LDB2: variants seen among roughly 807,000 people sequenced by gnomAD.
The protein encoded by LDB2 is LIM domain-binding protein 2.
A neutral mutation model predicts 44.3 loss-of-function variants in LDB2; 12 were observed. The observed-to-expected ratio is 0.27, with a 90% CI of 0.17 to 0.44. The LOEUF is 0.44. LDB2 is among the 20% of genes least tolerant of loss of function. LDB2 has a pLI of 1.00. For synonymous variants in LDB2, 164 were observed against 174.8 expected (o/e 0.94, Z 0.49); for missense variants, 344 against 473.5 (o/e 0.73, Z 2.54).
At position 16,532,898 on chromosome 4, in the gene LDB2, C is replaced by T. The variant is rs553239337; in HGVS notation, c.616-20794G>A. Among the ~76,000 whole-genome samples, 301 of 152,268 alleles carry T rather than the reference C, an allele frequency of 2.0e-3. 1 individual carries two copies. The highest frequency in any genetic ancestry group is 7.0e-3 in the African/African-American group (291 of 41,542). ...CCTGTGGCAAATGTTCTCTGTGTGC[C>T]AGTCTGACATTCCTAGCATAGGAAC... On this transcript the variant is annotated intron_variant, in intron 5 of 7. Coordinates refer to ENST00000304523, the MANE Select transcript of LDB2 (RefSeq NM_001290.5).
At chr4:16,732,238 C>T (rs116241606) in intron 2 of LDB2, among the ~76,000 whole-genome samples, 4 of 152,138 alleles carry the variant, frequency 2.6e-5, no homozygotes, top group Admixed American at 1.3e-4. Context: ...TTGGTTGGAG[C>T]TTTCTTTTAT....
At chr4:16,557,398 G>C (rs2152366412) in intron 5 of LDB2, among the ~76,000 whole-genome samples, 1 of 152,326 alleles carries the variant, frequency 6.6e-6, no homozygotes, top group Middle Eastern at 3.4e-3. Flanking sequence ...AGGCGCACCA[G>C]GAGATTATAT....
At chr4:16,691,315 G>A (rs1418149675) in intron 2 of LDB2, among the ~76,000 whole-genome samples, 2 of 152,034 alleles carry the variant, frequency 1.3e-5, no homozygotes, top group Non-Finnish European at 2.9e-5. Flanking sequence ...CATGTTCATG[G>A]AACTGTACGA....
chr4:16,564,356 A>C (rs1477185847), intron 5 of LDB2, among the ~76,000 whole-genome samples: 1 of 152,184 alleles, frequency 6.6e-6, no homozygotes, highest in East Asian at 1.9e-4. Flanking sequence ...CCGAGATTCT[A>C]TCTCAGAAAA....
intron 1 of LDB2, among the ~76,000 whole-genome samples, chr4:16,873,148 T>C (rs973353559): frequency 6.6e-6 from 1 of 152,172 alleles, no homozygotes; most frequent in Non-Finnish European, 1.5e-5. Context: ...CCCAGGGTGC[T>C]ATATTTAGCA....
At chr4:16,644,283 A>G (rs1736030549) in intron 2 of LDB2, among the ~76,000 whole-genome samples, 1 of 152,176 alleles carries the variant, frequency 6.6e-6, no homozygotes, top group East Asian at 1.9e-4. Context: ...TGGGACTTGC[A>G]CTTCAATATT....
At chr4:16,560,339 AAGAC>A (rs1197869030) in intron 5 of LDB2, among the ~76,000 whole-genome samples, 1 of 152,218 alleles carries the variant, frequency 6.6e-6, no homozygotes, top group Non-Finnish European at 1.5e-5. Context: ...TAAAGAAAAA[AAGAC>A]AGAAGAATCA....
intron 2 of LDB2, among the ~76,000 whole-genome samples, chr4:16,609,944 C>G (rs1303578787): frequency 6.6e-6 from 1 of 152,116 alleles, no homozygotes; most frequent in African/African-American, 2.4e-5. Context: ...CTACTGGCAT[C>G]CTAATGGCAT....
At chr4:16,639,606 C>T (rs1050445002) in intron 2 of LDB2, among the ~76,000 whole-genome samples, 2 of 152,184 alleles carry the variant, frequency 1.3e-5, no homozygotes, top group African/African-American at 4.8e-5. Context: ...GGATTAAAGG[C>T]ATGTGCCACC....
chr4:16,674,664 C>T (rs549454872), intron 2 of LDB2, among the ~76,000 whole-genome samples: 74 of 152,312 alleles, frequency 4.9e-4, no homozygotes, highest in African/African-American at 1.7e-3. Flanking sequence ...CCCCAATTTA[C>T]GCATTTTCTA....
intron 1 of LDB2, among the ~76,000 whole-genome samples, chr4:16,777,435 A>G (rs1268338575): frequency 6.6e-6 from 1 of 151,946 alleles, no homozygotes; most frequent in African/African-American, 2.4e-5. Context: ...AGGGACTGAA[A>G]GGAAGATGCT....
chr4:16,515,946 C>T (rs1365952422), intron 5 of LDB2, among the ~76,000 whole-genome samples: 3 of 152,174 alleles, frequency 2.0e-5, no homozygotes, highest in Admixed American at 1.3e-4. Context: ...TCACCGCAAG[C>T]TCTGCCTCCT....
intron 1 of LDB2, among the ~76,000 whole-genome samples, chr4:16,874,478 A>T (rs1717764289): frequency 6.6e-6 from 1 of 152,230 alleles, no homozygotes; most frequent in Non-Finnish European, 1.5e-5. Flanking sequence ...TCAAAGCAGA[A>T]GCATCATAAT....
chr4:16,692,118 C>CA (rs538823739), intron 2 of LDB2, among the ~76,000 whole-genome samples: 4,539 of 143,452 alleles, frequency 0.032, 76 homozygotes, highest in African/African-American at 0.044. Flanking sequence ...CATCACGAGG[C>CA]AAAAAAAAAA....
At chr4:16,880,706 C>T (rs1464588860) in intron 1 of LDB2, among the ~76,000 whole-genome samples, 1 of 151,982 alleles carries the variant, frequency 6.6e-6, no homozygotes, top group Non-Finnish European at 1.5e-5. Context: ...GAGATCGAGA[C>T]CATCCTGGCT....
chr4:16,730,911 C>G (rs1008121955), intron 2 of LDB2, among the ~76,000 whole-genome samples: 15 of 152,296 alleles, frequency 9.8e-5, no homozygotes, highest in Non-Finnish European at 1.5e-4. Context: ...ATTCTTATCC[C>G]CCTTGACTGT....
chr4:16,804,250 A>G (rs555310653), intron 1 of LDB2, among the ~76,000 whole-genome samples: 5 of 152,144 alleles, frequency 3.3e-5, no homozygotes, highest in Non-Finnish European at 7.3e-5. Context: ...CTGGCTAGGT[A>G]CATATTTTTA....
At chr4:16,654,313 A>G (rs1283709114) in intron 2 of LDB2, among the ~76,000 whole-genome samples, 1 of 152,152 alleles carries the variant, frequency 6.6e-6, no homozygotes, top group African/African-American at 2.4e-5. Flanking sequence ...TTTGCAGAAT[A>G]GGTCATTGCA....
intron 1 of LDB2, among the ~76,000 whole-genome samples, chr4:16,864,690 C>T (rs553863610): frequency 1.3e-5 from 2 of 152,144 alleles, no homozygotes; most frequent in Non-Finnish European, 2.9e-5. Context: ...TTTGGGAGGC[C>T]GAGGTGGATG....
Sources: gnomAD v4.1 joint callset for allele counts (sites outside exome capture counted in the v4.1 genomes callset) on GRCh38, gnomAD v4.1.1 for gene constraint, MANE v1.5 for transcripts, NCBI Gene and HGNC (gene_info 2026-07-23, HGNC 2026-07-21) for gene names.